The following GOLGA4 variants were observed in gnomAD, a reference collection of about 807,000 sequenced individuals.
The protein encoded by GOLGA4 is golgin A4.
In GOLGA4, 169 loss-of-function variants were observed where a neutral mutation model predicts 265.9. The observed-to-expected ratio is 0.64, with a 90% CI of 0.56 to 0.72. The LOEUF is 0.72. GOLGA4 is among the 30% of genes least tolerant of loss of function. GOLGA4 has a pLI of 0.00. For synonymous variants in GOLGA4, 923 were observed against 855.8 expected (o/e 1.08, Z -1.37); for missense variants, 2,482 against 2,483.4 (o/e 1.00, Z 0.01).
At chr3:37,285,365 G>A (rs887330666) in intron 3 of GOLGA4, among the ~76,000 whole-genome samples, 3 of 152,110 alleles carry the variant, frequency 2.0e-5, no homozygotes, top group Non-Finnish European at 4.4e-5. Context: ...TTTCATTAGG[G>A]TGTGCTAGAA....
chr3:37,335,218 C>T, intron 17 of GOLGA4, 52 bp downstream of exon 17: 1 of 954,414 alleles, frequency 1.0e-6, no homozygotes, highest in Non-Finnish European at 1.7e-6. Context: ...ATTGTCATTT[C>T]TGTGATTTGA....
chr3:37,332,658 AC>A (rs770189001), intron 16 of GOLGA4, among the ~76,000 whole-genome samples: 85 of 152,264 alleles, frequency 5.6e-4, no homozygotes, highest in Admixed American at 2.2e-3. Context: ...TGAAAATTGT[AC>A]CCATTCCTCC....
At position 37,325,171 on chromosome 3, in the gene GOLGA4, A is replaced by G. The variant is rs188293902; in HGVS notation, c.3285A>G (p.Thr1095=). The G allele has an allele frequency of 2.5e-6, 4 of 1,613,826 alleles. No homozygotes were observed. In the East Asian group the frequency reaches 6.7e-5, roughly 27 times the overall value. Residue 1095 remains threonine, a synonymous_variant, in exon 14 of 24, where the codon ACA becomes ACG. Coordinates refer to ENST00000361924, the MANE Select transcript of GOLGA4 (RefSeq NM_002078.5). ...AAGAAGAGATGAACAAGGAAATAAC[A>G]TGGCTGAAGGAAGAAGGTGTTAAGC... ...CEKEEMNKEI[T]WLKEEGVKQD...
At chr3:37,311,966 C>T (rs2096924281) in intron 10 of GOLGA4, among the ~76,000 whole-genome samples, 1 of 152,056 alleles carries the variant, frequency 6.6e-6, no homozygotes, top group South Asian at 2.1e-4. Context: ...GTGCTGGATT[C>T]TGGAATTTAA....
At chr3:37,308,627 T>TATA (rs142534187) in intron 10 of GOLGA4, among the ~76,000 whole-genome samples, 1 of 150,276 alleles carries the variant, frequency 6.7e-6, no homozygotes, top group Non-Finnish European at 1.5e-5. Context: ...TATATATATA[T>TATA]TTTTTTGAGA....
intron 2 of GOLGA4, among the ~76,000 whole-genome samples, chr3:37,281,034 C>T (rs556427869): frequency 6.6e-6 from 1 of 152,250 alleles, no homozygotes; most frequent in African/African-American, 2.4e-5. Context: ...ACTCCTGGCA[C>T]CTTTGAGATC....
chr3:37,304,084 T>C (rs1251481436), intron 10 of GOLGA4, among the ~76,000 whole-genome samples: 1 of 151,822 alleles, frequency 6.6e-6, no homozygotes, highest in African/African-American at 2.4e-5. Flanking sequence ...GAGACATAAA[T>C]GAGAAAAAAA....
At chr3:37,289,328 T>A (rs747883554) in intron 5 of GOLGA4, 37 bp downstream of exon 5, 1 of 1,211,906 alleles carries the variant, frequency 8.3e-7, no homozygotes, top group Non-Finnish European at 1.2e-6. Flanking sequence ...AAATAGTAAT[T>A]AAATCTCATA....
rs767303601 is a variant in GOLGA4, at chr3:37,278,781, TAAC to T, written c.163-3174_163-3172del. ...ACATATATGATCTCATTAATTCTCA[TAAC>T]AAAAAGATGCCTTCACTCAGTTTGT... On this transcript the variant is annotated intron_variant, in intron 2 of 23. Transcript: ENST00000361924. 7.2e-4 allele frequency among the ~76,000 whole-genome samples: 110 copies of T among 151,744 alleles called. No homozygotes were observed. The Middle Eastern group carries it at 0.017, about 24-fold the overall frequency.
intron 3 of GOLGA4, among the ~76,000 whole-genome samples, chr3:37,283,196 A>T (rs78564213): frequency 6.6e-6 from 1 of 152,194 alleles, no homozygotes; most frequent in Non-Finnish European, 1.5e-5. Context: ...AATGAAATAT[A>T]CAAGATAAGA....
intron 19 of GOLGA4, among the ~76,000 whole-genome samples, 176 bp from the exon 20 acceptor site, chr3:37,339,948 T>G (rs896169518): frequency 6.6e-6 from 1 of 152,180 alleles, no homozygotes; most frequent in Admixed American, 6.5e-5. Context: ...AAGAAATCTT[T>G]AGTTTTAGTT....
Position 37,295,085 on chromosome 3 carries a change from A to T in GOLGA4, c.681+8A>T. On this transcript the variant is annotated splice_region_variant and intron_variant, in intron 6 of 23. Transcript: ENST00000361924. ...AGTGTTCTCCAAACTCAGGTAAAAG[A>T]GTAAAAGAAAAAGTGTGGAATTTTT... is the stretch of plus-strand genomic sequence containing the variant. 1 of 1,472,710 alleles carries T rather than the reference A, an allele frequency of 6.8e-7. No homozygotes were observed. The highest frequency in any genetic ancestry group is 9.3e-7 in the Non-Finnish European group (1 of 1,080,502). 91.2% of individuals were successfully genotyped at this position (1,472,710 alleles called of 1,614,324 possible).
chr3:37,276,397 G>C (rs2096818807), intron 2 of GOLGA4: 1 of 1,607,852 alleles, frequency 6.2e-7, no homozygotes, highest in Non-Finnish European at 8.5e-7. Flanking sequence ...AGCTGAAAGA[G>C]ATGTGGAAAA....
intron 17 of GOLGA4, 26 bp from the exon 18 acceptor site, chr3:37,337,117 C>T: frequency 7.5e-7 from 1 of 1,335,796 alleles, no homozygotes; most frequent in Non-Finnish European, 1.1e-6. Context: ...TGTATACACT[C>T]ATGTTTTTTC....
chr3:37,364,561 CATT>C (rs1696598660), intron 23 of GOLGA4, among the ~76,000 whole-genome samples: 1 of 150,176 alleles, frequency 6.7e-6, no homozygotes, highest in East Asian at 2.0e-4. Context: ...ATTTGAGAAA[CATT>C]ATGAGGAAGA....
chr3:37,267,295 C>T (rs1008877183), intron 2 of GOLGA4, among the ~76,000 whole-genome samples: 6 of 152,048 alleles, frequency 3.9e-5, no homozygotes, highest in African/African-American at 1.2e-4. Flanking sequence ...TATTGATGGG[C>T]GGTTAAGAAT....
intron 2 of GOLGA4, among the ~76,000 whole-genome samples, chr3:37,265,764 G>T (rs1454710971): frequency 6.6e-6 from 1 of 152,120 alleles, no homozygotes; most frequent in African/African-American, 2.4e-5. Context: ...TAGGCCGGTT[G>T]TGCTGGCTTA....
intron 1 of GOLGA4, among the ~76,000 whole-genome samples, chr3:37,251,163 C>A (rs1301025024): frequency 1.3e-5 from 2 of 152,142 alleles, no homozygotes; most frequent in African/African-American, 4.8e-5. Context: ...TCAAAAAGTT[C>A]ATGTAGCTAA....
intron 2 of GOLGA4, among the ~76,000 whole-genome samples, chr3:37,258,100 C>T (rs542173573): frequency 4.7e-5 from 6 of 127,454 alleles, no homozygotes; most frequent in East Asian, 2.2e-4. Flanking sequence ...TATATATGCT[C>T]TGTATATATA....
Sources: gnomAD v4.1 joint callset for allele counts (sites outside exome capture counted in the v4.1 genomes callset) on GRCh38, gnomAD v4.1.1 for gene constraint, MANE v1.5 for transcripts, NCBI Gene and HGNC (gene_info 2026-07-23, HGNC 2026-07-21) for gene names.